Variants in ZFP41 observed in about 807,000 individuals in gnomAD.
The protein encoded by ZFP41 is zinc finger protein 41 homolog.
ZFP41 carries 10 observed loss-of-function variants against 11.6 expected under a neutral mutation model. The observed-to-expected ratio is 0.86, with a 90% CI of 0.53 to 1.47. The LOEUF (loss-of-function observed/expected upper bound fraction) is 1.47. ZFP41 is among the 40% of genes most tolerant of loss of function. The pLI is 0.00. For synonymous variants in ZFP41, 123 were observed against 100.9 expected, an observed-to-expected ratio of 1.22 and a Z score of -1.31; for missense variants, 302 against 264.6, an observed-to-expected ratio of 1.14 and a Z score of -0.98.
In ZFP41 at chr8:143,250,113, T is replaced by C. The variant is rs149567916; in HGVS notation, c.270T>C (p.Ser90=). The C allele has an allele frequency of 2.5e-6, 4 of 1,613,998 alleles. No homozygotes were observed. Among genetic ancestry groups the C allele is most frequent in the African/African-American group, 1.3e-5 (1 of 74,894 alleles). The change falls in exon 2 of 3, where the codon AGT becomes AGC. Residue 90 remains serine, a synonymous_variant. Coordinates refer to ENST00000330701, the MANE Select transcript of ZFP41 (RefSeq NM_173832.6). The part of the protein sequence containing the change: ...PFQRKKPYEC[S]ECGRIFKHKT... ...AGAGGAAGAAACCCTATGAGTGCAGTGAGTGTGGGCGGATCTTTAAGCACA... is the reference window on the plus strand; with the variant it reads ...AGAGGAAGAAACCCTATGAGTGCAGCGAGTGTGGGCGGATCTTTAAGCACA...
At chr8:143,248,747 C>T (rs1428910001) in intron 1 of ZFP41, among the ~76,000 whole-genome samples, 5 of 152,276 alleles carry the variant, frequency 3.3e-5, no homozygotes, top group African/African-American at 7.2e-5. Context: ...CCTCAGCACA[C>T]GTGGCCTTCA....
chr8:143,249,547 T>A, intron 1 of ZFP41, 143 bp from the exon 2 acceptor site: 1 of 280,110 alleles, frequency 3.6e-6, no homozygotes, highest in Non-Finnish European at 6.7e-6. Flanking sequence ...CGGGAGAGAG[T>A]CAGGTGGGGC....
In ZFP41 at chr8:143,261,845, C is replaced by G. The variant is rs1179426933; in HGVS notation, c.*2971C>G. 5.4e-6 allele frequency: 1 copy of G among 184,646 alleles called. No individual in the cohort carries two copies. The highest frequency in any genetic ancestry group is 2.8e-5 in the African/African-American group (1 of 35,874). The allele number at this position is 184,646 out of a possible 1,614,324, so 11.4% of individuals were successfully genotyped here. On this transcript the variant is annotated 3_prime_UTR_variant, in exon 3 of 3. Transcript: ENST00000330701. ...CCTGCCACGCCTGTCTCCGGCAGCC[C>G]CTGCCCGCACCCGCACCCCTGCACC...
intron 2 of ZFP41, among the ~76,000 whole-genome samples, chr8:143,252,028 C>T (rs1023475999): frequency 1.3e-5 from 2 of 152,188 alleles, no homozygotes; most frequent in East Asian, 1.9e-4. Context: ...GGAGGCTGCT[C>T]GGCTCCCAGC....
rs772618145 is a variant in ZFP41 at position 143,250,193 on chromosome 8, G to A, written c.350G>A (p.Cys117Tyr). Residue 117 changes from cysteine to tyrosine, a missense_variant, in exon 2 of 3, where the codon TGT becomes TAT. Transcript: ENST00000330701. ...RVHTGEKPFK[C>Y]AQCGKAFRHS... ...CACACTGGAGAGAAGCCCTTCAAGT[G>A]TGCGCAGTGCGGGAAGGCCTTCCGG... 6.2e-6 allele frequency: 10 copies of A among 1,613,978 alleles called. No individual in the cohort carries two copies. Among genetic ancestry groups the A allele is most frequent in the Middle Eastern group, 3.3e-4 (2 of 6,084 alleles).
intron 2 of ZFP41, among the ~76,000 whole-genome samples, chr8:143,254,076 G>A (rs1399451718): frequency 6.6e-6 from 1 of 152,192 alleles, no homozygotes; most frequent in Non-Finnish European, 1.5e-5. Flanking sequence ...TCACTCGCCT[G>A]CCACCCACCT....
chr8:143,255,039 T>C (rs879559330), intron 2 of ZFP41, among the ~76,000 whole-genome samples: 5 of 152,212 alleles, frequency 3.3e-5, no homozygotes, highest in Admixed American at 3.3e-4. Flanking sequence ...TCTCACCAAA[T>C]GCCAGCCCCA....
intron 2 of ZFP41, among the ~76,000 whole-genome samples, chr8:143,255,631 G>C (rs1213202341): frequency 6.3e-5 from 8 of 127,094 alleles, no homozygotes; most frequent in African/African-American, 2.5e-4. Context: ...AGCTCACCCC[G>C]CGTGCTGGTG....
At chr8:143,255,073 C>T (rs961168325) in intron 2 of ZFP41, among the ~76,000 whole-genome samples, 2 of 152,218 alleles carry the variant, frequency 1.3e-5, no homozygotes, top group African/African-American at 2.4e-5. Context: ...GAGACGCCTG[C>T]AGCAGCGCAT....
intron 2 of ZFP41, among the ~76,000 whole-genome samples, chr8:143,256,559 A>G (rs767182794): frequency 2.6e-5 from 4 of 152,352 alleles, no homozygotes; most frequent in Admixed American, 2.6e-4. Flanking sequence ...GGCTTCAACA[A>G]AATCGGCATG....
rs1249659640 is a variant in ZFP41, at chr8:143,262,634, C to T, written c.*3760C>T. ...GTTCCCAGCCTGCCCGACACACTCA[C>T]TGCGACGCCTCCCTTGCCTACTGCT... On this transcript the variant is annotated 3_prime_UTR_variant, in exon 3 of 3. Coordinates refer to ENST00000330701, the MANE Select transcript of ZFP41 (RefSeq NM_173832.6). The T allele has an allele frequency of 1.3e-5, 2 of 152,322 alleles. No individual in the cohort carries two copies. The highest frequency in any genetic ancestry group is 2.9e-5 in the Non-Finnish European group (2 of 68,098). The allele number at this position is 152,322 out of a possible 1,614,324, so 9.4% of individuals were successfully genotyped here.
intron 2 of ZFP41, among the ~76,000 whole-genome samples, chr8:143,255,733 G>A (rs556440171): frequency 1.1e-4 from 13 of 123,056 alleles, no homozygotes; most frequent in South Asian, 3.1e-4. Context: ...GGCTCACCCC[G>A]CGTGCTGGTG....
intron 2 of ZFP41, among the ~76,000 whole-genome samples, chr8:143,256,689 A>G (rs1224344285): frequency 6.6e-6 from 1 of 152,212 alleles, no homozygotes; most frequent in Non-Finnish European, 1.5e-5. Context: ...ACCTGCTTGG[A>G]TGACAGAGCA....
At chr8:143,259,019 G>A (rs1186116897) in intron 2 of ZFP41, among the ~76,000 whole-genome samples, 1 of 152,248 alleles carries the variant, frequency 6.6e-6, no homozygotes, top group Non-Finnish European at 1.5e-5. Flanking sequence ...ACTTCCCCTT[G>A]AGAAACGTGT....
chr8:143,260,866 A>C lies in ZFP41; in HGVS notation c.*1992A>C, dbSNP rs534174620. On this transcript the variant is annotated 3_prime_UTR_variant, in exon 3 of 3. Coordinates refer to ENST00000330701, the MANE Select transcript of ZFP41 (RefSeq NM_173832.6). ...CCGAGCTCTGTAGGCCTCAGAGTGC[A>C]GAGAACCTCAAATGTTGTGACTTTG... The C allele has an allele frequency of 6.0e-6, 1 of 166,688 alleles. No homozygotes were observed. Among genetic ancestry groups the C allele is most frequent in the East Asian group, 1.9e-4 (1 of 5,274 alleles). The allele number at this position is 166,688 out of a possible 1,614,324, so 10.3% of individuals were successfully genotyped here.
rs1173914389 is a variant in ZFP41 at position 143,261,612 on chromosome 8, C to T, written c.*2738C>T. On this transcript the variant is annotated 3_prime_UTR_variant, in exon 3 of 3. Transcript: ENST00000330701. Reference sequence around the variant, plus strand: ...ACGGCCCCCACCTTGACAGAATCCCCAGGGTCGTGCGTGGCGGTGGGGGCG... The same window carrying T: ...ACGGCCCCCACCTTGACAGAATCCCTAGGGTCGTGCGTGGCGGTGGGGGCG... 1 of 154,750 alleles carries T rather than the reference C, an allele frequency of 6.5e-6. No homozygotes were observed. The highest frequency in any genetic ancestry group is 1.4e-5 in the Non-Finnish European group (1 of 69,884). The allele number at this position is 154,750 out of a possible 1,614,324, so 9.6% of individuals were successfully genotyped here.
chr8:143,252,156 CCA>C (rs1322544556), intron 2 of ZFP41, among the ~76,000 whole-genome samples: 1 of 152,266 alleles, frequency 6.6e-6, no homozygotes, highest in Non-Finnish European at 1.5e-5. Flanking sequence ...AATCCCAGAA[CCA>C]CACTGTCACC....
intron 2 of ZFP41, among the ~76,000 whole-genome samples, chr8:143,254,230 C>A (rs928329149): frequency 2.0e-5 from 3 of 152,228 alleles, no homozygotes; most frequent in Non-Finnish European, 4.4e-5. Context: ...GTGCAGCCTG[C>A]AGAACCGCCA....
chr8:143,257,884 C>T (rs1299079273), intron 2 of ZFP41, among the ~76,000 whole-genome samples: 1 of 152,214 alleles, frequency 6.6e-6, no homozygotes, highest in African/African-American at 2.4e-5. Flanking sequence ...AGGTGCTTTG[C>T]ACGTGAGTTC....
Sources: gnomAD v4.1 joint callset for allele counts (sites outside exome capture counted in the v4.1 genomes callset) on GRCh38, gnomAD v4.1.1 for gene constraint, MANE v1.5 for transcripts, NCBI Gene and HGNC (gene_info 2026-07-23, HGNC 2026-07-21) for gene names.